TRPM3: variants seen among roughly 807,000 people sequenced by gnomAD.
The protein encoded by TRPM3 is long transient receptor potential channel 3.
TRPM3 carries 77 observed loss-of-function variants against 181.2 expected under a neutral mutation model. The ratio of observed to expected loss-of-function variants is 0.42; its 90% CI spans 0.35 to 0.51. The LOEUF (loss-of-function observed/expected upper bound fraction) is 0.51, where lower values mean the gene tolerates loss of function less well. Ranked by LOEUF, TRPM3 falls within the 20% of genes least tolerant of loss-of-function variation. The probability of loss-of-function intolerance (pLI) is 0.01; values close to 1 mark genes in which losing one functional copy is unlikely to be tolerated. For missense variants in TRPM3, 1,759 were observed against 2,196.7 expected (o/e 0.80, Z 3.98); for synonymous variants, 745 against 796.4 (o/e 0.94, Z 1.09).
At chr9:71,286,303 G>A (rs1379855976) in intron 1 of TRPM3, among the ~76,000 whole-genome samples, 2 of 152,146 alleles carry the variant, frequency 1.3e-5, no homozygotes, top group Admixed American at 1.3e-4. Context: ...AACCGGGGGA[G>A]GGCATGTAAT....
At chr9:71,302,026 G>A (rs952299353) in intron 1 of TRPM3, among the ~76,000 whole-genome samples, 40 of 152,046 alleles carry the variant, frequency 2.6e-4, no homozygotes, top group African/African-American at 9.6e-4. Context: ...AACCATTACA[G>A]GTAATTTCCA....
intron 7 of TRPM3, among the ~76,000 whole-genome samples, chr9:70,765,244 T>G (rs2094450400): frequency 6.6e-6 from 1 of 152,136 alleles, no homozygotes; most frequent in South Asian, 2.1e-4. Context: ...TCAGGGATGA[T>G]AAGGGGGAAC....
At chr9:70,783,175 C>G (rs1055530099) in intron 7 of TRPM3, among the ~76,000 whole-genome samples, 35 of 152,066 alleles carry the variant, frequency 2.3e-4, no homozygotes, top group Non-Finnish European at 7.4e-5. Context: ...TTTTTTACAT[C>G]TTAATGTTTG....
chr9:71,204,474 A>T (rs71505927), intron 1 of TRPM3, among the ~76,000 whole-genome samples: 1 of 152,224 alleles, frequency 6.6e-6, no homozygotes, highest in Non-Finnish European at 1.5e-5. Context: ...GCTCACCATC[A>T]CTGGCCGTCA....
At chr9:70,694,042 A>AG (rs2069416386) in intron 8 of TRPM3, among the ~76,000 whole-genome samples, 1 of 152,220 alleles carries the variant, frequency 6.6e-6, no homozygotes, top group African/African-American at 2.4e-5. Flanking sequence ...CTGGTGGAGC[A>AG]GTGGGAGAGA....
At chr9:70,918,693 A>G (rs1407993754) in intron 1 of TRPM3, among the ~76,000 whole-genome samples, 1 of 152,212 alleles carries the variant, frequency 6.6e-6, no homozygotes, top group Non-Finnish European at 1.5e-5. Flanking sequence ...ACAACCTAAC[A>G]ATGCATCTTA....
intron 1 of TRPM3, among the ~76,000 whole-genome samples, chr9:71,305,481 T>TA (rs1169678477): frequency 1.3e-5 from 2 of 152,122 alleles, no homozygotes; most frequent in Non-Finnish European, 2.9e-5. Flanking sequence ...TTCTCCAGTG[T>TA]AAAGGTCTGG....
chr9:70,762,050 ATCT>A (rs1311710962), intron 7 of TRPM3, among the ~76,000 whole-genome samples: 3 of 152,160 alleles, frequency 2.0e-5, no homozygotes, highest in African/African-American at 7.2e-5. Flanking sequence ...AACCATCTGC[ATCT>A]TCTTGTTAAG....
chr9:71,325,976 A>G (rs1441499771), intron 1 of TRPM3, among the ~76,000 whole-genome samples: 1 of 152,250 alleles, frequency 6.6e-6, no homozygotes, highest in African/African-American at 2.4e-5. Flanking sequence ...TGTTTCTGCT[A>G]CAACAGAAGT....
At chr9:71,372,161 T>C (rs1318290664) in intron 1 of TRPM3, among the ~76,000 whole-genome samples, 1 of 152,182 alleles carries the variant, frequency 6.6e-6, no homozygotes, top group Non-Finnish European at 1.5e-5. Flanking sequence ...ATGTTCTCAT[T>C]CCTTTTTTAT....
At chr9:71,149,181 C>T (rs1421033020) in intron 1 of TRPM3, among the ~76,000 whole-genome samples, 1 of 152,078 alleles carries the variant, frequency 6.6e-6, no homozygotes, top group Non-Finnish European at 1.5e-5. Context: ...GGGAAGATCA[C>T]CGTAGCCCAG....
At chr9:71,377,050 G>A (rs868663839) in intron 1 of TRPM3, among the ~76,000 whole-genome samples, 17 of 152,190 alleles carry the variant, frequency 1.1e-4, no homozygotes, top group Middle Eastern at 3.4e-3. Flanking sequence ...TAGTTTGCAA[G>A]TTAGAAATGG....
chr9:71,335,023 C>A (rs1349765737), intron 1 of TRPM3, among the ~76,000 whole-genome samples: 1 of 152,074 alleles, frequency 6.6e-6, no homozygotes, highest in Non-Finnish European at 1.5e-5. Flanking sequence ...AAAATGTCAT[C>A]ACCACTTAGC....
intron 1 of TRPM3, among the ~76,000 whole-genome samples, chr9:71,046,386 C>T (rs920886484): frequency 1.3e-5 from 2 of 152,196 alleles, no homozygotes; most frequent in African/African-American, 4.8e-5. Context: ...ATGAATAACT[C>T]TTCACAACTC....
At chr9:71,399,526 GTTTTT>G (rs1166936123) in intron 1 of TRPM3, among the ~76,000 whole-genome samples, 901 of 62,698 alleles carry the variant, frequency 0.014, 8 homozygotes, top group African/African-American at 0.038. Flanking sequence ...ATTTTCTTTT[GTTTTT>G]TTTTTTTTTT....
At chr9:70,569,746 A>G (rs972016828) in intron 22 of TRPM3, among the ~76,000 whole-genome samples, 11 of 152,208 alleles carry the variant, frequency 7.2e-5, no homozygotes, top group African/African-American at 2.7e-4. Context: ...GCTCTCATAG[A>G]ATACTAATAA....
At chr9:70,616,950 C>T (rs1477754989) in intron 17 of TRPM3, among the ~76,000 whole-genome samples, 3 of 152,136 alleles carry the variant, frequency 2.0e-5, no homozygotes, top group Non-Finnish European at 2.9e-5. Flanking sequence ...TTCTCTCAAT[C>T]CTAAAACAAT....
chr9:71,258,462 C>T (rs1335860740), intron 1 of TRPM3, among the ~76,000 whole-genome samples: 1 of 152,126 alleles, frequency 6.6e-6, no homozygotes, highest in East Asian at 1.9e-4. Flanking sequence ...TATTTTTTTA[C>T]ATTACTGAGA....
intron 1 of TRPM3, among the ~76,000 whole-genome samples, chr9:71,053,967 A>G (rs1328728151): frequency 2.0e-5 from 3 of 152,128 alleles, no homozygotes; most frequent in Non-Finnish European, 2.9e-5. Flanking sequence ...TGGAGCACAG[A>G]GCTGGAAGAG....
Sources: allele counts gnomAD v4.1 joint callset (sites outside exome capture counted in the v4.1 genomes callset), GRCh38; gene constraint gnomAD v4.1.1; transcripts MANE v1.5; gene names NCBI Gene and HGNC (gene_info 2026-07-23, HGNC 2026-07-21).